The following VPS8 variants were observed in gnomAD, a reference collection of about 807,000 sequenced individuals.
VPS8 encodes VPS8 subunit of CORVET complex.
In VPS8, 129 loss-of-function variants were observed where a neutral mutation model predicts 216.4. The ratio of observed to expected loss-of-function variants is 0.60; its 90% confidence interval spans 0.52 to 0.69. The LOEUF (loss-of-function observed/expected upper bound fraction) is 0.69. Ranked by LOEUF, VPS8 falls within the 30% of genes least tolerant of loss-of-function variation. The pLI, the probability that VPS8 is intolerant of heterozygous loss-of-function variation, is 0.00. For synonymous variants in VPS8, 571 were observed against 565.4 expected, an observed-to-expected ratio of 1.01 and a Z score of -0.14; for missense variants, 1,531 against 1,683.5, an observed-to-expected ratio of 0.91 and a Z score of 1.59.
intron 46 of VPS8, among the ~76,000 whole-genome samples, chr3:185,030,785 C>T (rs1758007412): frequency 6.6e-6 from 1 of 152,046 alleles, no homozygotes; most frequent in Non-Finnish European, 1.5e-5. Context: ...TTTTAAGAGA[C>T]GATGTCTCAC....
At chr3:184,970,843 A>T (rs539461414) in intron 39 of VPS8, among the ~76,000 whole-genome samples, 5 of 152,362 alleles carry the variant, frequency 3.3e-5, no homozygotes, top group African/African-American at 9.6e-5. Flanking sequence ...CTATTGCAGT[A>T]GCATAGACGA....
chr3:184,884,989 T>C (rs1730948244), intron 21 of VPS8, among the ~76,000 whole-genome samples: 1 of 152,240 alleles, frequency 6.6e-6, no homozygotes, highest in African/African-American at 2.4e-5. Context: ...TGAGATTTGC[T>C]GTAGCTCTAA....
At chr3:184,918,610 C>T (rs1051792005) in intron 28 of VPS8, among the ~76,000 whole-genome samples, 4 of 152,172 alleles carry the variant, frequency 2.6e-5, no homozygotes, top group African/African-American at 9.7e-5. Context: ...ATATCTGTTT[C>T]AAAGGAGTGA....
intron 38 of VPS8, 71 bp downstream of exon 38, chr3:184,964,628 T>G: frequency 1.9e-6 from 2 of 1,047,768 alleles, no homozygotes; most frequent in Non-Finnish European, 2.6e-6. Context: ...TCCATCTTAA[T>G]TATGTTTCAA....
chr3:184,900,894 A>T, intron 24 of VPS8, 27 bp from the exon 25 acceptor site: 1 of 1,580,942 alleles, frequency 6.3e-7, no homozygotes, highest in Non-Finnish European at 8.6e-7. Flanking sequence ...GATGATGATG[A>T]TTGTTTTCCT....
intron 3 of VPS8, 91 bp downstream of exon 3, chr3:184,826,322 C>T (rs911219486): frequency 1.3e-5 from 12 of 911,526 alleles, no homozygotes; most frequent in Non-Finnish European, 1.8e-5. Flanking sequence ...CCTAGATGCG[C>T]ACTTTCCAGT....
intron 29 of VPS8, among the ~76,000 whole-genome samples, chr3:184,921,384 TTC>T (rs1392282844): frequency 6.6e-6 from 1 of 152,198 alleles, no homozygotes; most frequent in Non-Finnish European, 1.5e-5. Flanking sequence ...TACCTCTGCA[TTC>T]TAGCCAGCCT....
intron 46 of VPS8, among the ~76,000 whole-genome samples, chr3:185,045,765 T>TAA (rs71632043): frequency 2.4e-4 from 31 of 129,092 alleles, no homozygotes; most frequent in Non-Finnish European, 3.8e-4. Context: ...AGACTCCGTC[T>TAA]AAAAAAAAAA....
At chr3:185,028,883 C>T (rs1380119998) in intron 46 of VPS8, among the ~76,000 whole-genome samples, 1 of 152,084 alleles carries the variant, frequency 6.6e-6, no homozygotes, top group East Asian at 1.9e-4. Flanking sequence ...AGTAGTCACT[C>T]GGTCGTTGTT....
At chr3:185,039,638 G>A (rs181739736) in intron 46 of VPS8, among the ~76,000 whole-genome samples, 107 of 152,168 alleles carry the variant, frequency 7.0e-4, no homozygotes, top group Non-Finnish European at 1.1e-3. Flanking sequence ...AATTTTATTA[G>A]AAAAGGTTCA....
At chr3:184,848,972 G>T in intron 8 of VPS8, 99 bp from the exon 9 acceptor site, 1 of 1,294,436 alleles carries the variant, frequency 7.7e-7, no homozygotes. Context: ...TGCTGCTTTT[G>T]ATTCTTGTCA....
At position 185,048,497 on chromosome 3, in the gene VPS8, C is replaced by G. The variant is rs1413806762; in HGVS notation, c.4075C>G (p.Leu1359Val). Residue 1359 changes from leucine (L) to valine (V), a missense_variant, in exon 47 of 48, where the codon CTG becomes GTG. Transcript: ENST00000625842. ...TTTTCAGGGAACCTCAGAACCTGTTCTGGATCCACAGCAAATCCAAGCATT... is the reference window on the plus strand; with the variant it reads ...TTTTCAGGGAACCTCAGAACCTGTTGTGGATCCACAGCAAATCCAAGCATT... ...TAKKGTSEPV[L>V]DPQQIQAFDQ... 6.2e-7 allele frequency: 1 copy of G among 1,614,018 alleles called. No individual in the cohort carries two copies. Among genetic ancestry groups the G allele is most frequent in the East Asian group, 2.2e-5 (1 of 44,894 alleles).
At chr3:184,839,325 T>A (rs1212270524) in intron 6 of VPS8, 3 of 209,238 alleles carry the variant, frequency 1.4e-5, no homozygotes, top group African/African-American at 2.4e-5. Context: ...TAGAGAAGTG[T>A]GTTCTCATCT....
At chr3:185,040,748 C>T (rs1159332093) in intron 46 of VPS8, among the ~76,000 whole-genome samples, 1 of 152,204 alleles carries the variant, frequency 6.6e-6, no homozygotes, top group Non-Finnish European at 1.5e-5. Context: ...ACTCCCGATT[C>T]TGTTCACATG....
At chr3:184,950,506 CTAGA>C (rs1744506578) in intron 36 of VPS8, among the ~76,000 whole-genome samples, 3 of 151,986 alleles carry the variant, frequency 2.0e-5, no homozygotes, top group Non-Finnish European at 4.4e-5. Flanking sequence ...GGGGGTGGGA[CTAGA>C]CTAGCCTTTA....
intron 21 of VPS8, among the ~76,000 whole-genome samples, chr3:184,882,936 C>G (rs1396004045): frequency 1.3e-5 from 2 of 152,062 alleles, no homozygotes; most frequent in African/African-American, 4.8e-5. Flanking sequence ...TTCTCTTATT[C>G]TTTGTCAGTC....
intron 36 of VPS8, among the ~76,000 whole-genome samples, chr3:184,945,120 T>C (rs149650819): frequency 7.5e-4 from 114 of 152,046 alleles, no homozygotes; most frequent in African/African-American, 2.7e-3. Context: ...TAACACATCA[T>C]CACCTCCTAA....
intron 46 of VPS8, among the ~76,000 whole-genome samples, chr3:185,029,261 T>C (rs953682826): frequency 2.6e-5 from 4 of 152,216 alleles, no homozygotes; most frequent in Admixed American, 1.3e-4. Context: ...GTAGTGTCTG[T>C]TGAACAGAGT....
intron 45 of VPS8, among the ~76,000 whole-genome samples, chr3:185,019,513 T>G (rs916089943): frequency 6.6e-6 from 1 of 152,308 alleles, no homozygotes; most frequent in African/African-American, 2.4e-5. Flanking sequence ...AAAGCATTTC[T>G]TACAGGAAAT....
Sources: allele counts gnomAD v4.1 joint callset (sites outside exome capture counted in the v4.1 genomes callset), GRCh38; gene constraint gnomAD v4.1.1; transcripts MANE v1.5; gene names NCBI Gene and HGNC (gene_info 2026-07-23, HGNC 2026-07-21).